The following QKI variants were observed in gnomAD, a reference collection of about 807,000 sequenced individuals.
The protein encoded by QKI is QKI, KH domain containing RNA binding, also known as KH domain-containing RNA-binding protein QKI.
In QKI, 10 loss-of-function variants were observed where a neutral mutation model predicts 39.0. The ratio of observed to expected loss-of-function variants is 0.26; its 90% CI spans 0.16 to 0.43. The LOEUF (loss-of-function observed/expected upper bound fraction) is 0.43, where lower values mean the gene tolerates loss of function less well. QKI is among the 20% of genes least tolerant of loss of function. The pLI, the probability that QKI is intolerant of heterozygous loss-of-function variation, is 1.00. For missense variants in QKI, 218 were observed against 428.0 expected, an observed-to-expected ratio of 0.51 and a Z score of 4.33; for synonymous variants, 204 against 155.4, an observed-to-expected ratio of 1.31 and a Z score of -2.33.
intron 3 of QKI, among the ~76,000 whole-genome samples, chr6:163,507,332 C>T (rs949217917): frequency 6.6e-6 from 1 of 152,156 alleles, no homozygotes; most frequent in Non-Finnish European, 1.5e-5. Flanking sequence ...TTCTGTCATA[C>T]TTAATCCCCT....
In QKI at chr6:163,480,109, A is replaced by G. The variant is rs192340342; in HGVS notation, c.402+1213A>G. Among the ~76,000 whole-genome samples the G allele has an allele frequency of 3.6e-3, 542 of 152,278 alleles. 13 individuals are homozygous for G. Among genetic ancestry groups the G allele is most frequent in the Admixed American group, 0.031 (478 of 15,286 alleles). On this transcript the variant is annotated intron_variant, in intron 3 of 7. Transcript: ENST00000361752. ...ATTGTTAGGAAGATTTTATTTACCT[A>G]GTTTGTCTTACCCAGCAATACTGTG...
At chr6:163,566,372 GTTAT>G (rs1472507950) in intron 6 of QKI, 6 of 1,200,374 alleles carry the variant, frequency 5.0e-6, no homozygotes, top group Middle Eastern at 3.5e-4. Flanking sequence ...TAAACATGGC[GTTAT>G]TTAAGTAGTC....
chr6:163,545,662 G>A (rs1037428649), intron 4 of QKI, among the ~76,000 whole-genome samples: 4 of 152,026 alleles, frequency 2.6e-5, no homozygotes, highest in African/African-American at 4.8e-5. Context: ...GACTCTGTAT[G>A]AATAACATCC....
chr6:163,570,934 T>A lies in QKI; in HGVS notation c.*224T>A. Reference sequence around the variant, plus strand: ...TTTCCTGTTTGGGTGAAAGTGGTTCTAGAAACTGCACTGAATAGTAGTAAA... The same window carrying A: ...TTTCCTGTTTGGGTGAAAGTGGTTCAAGAAACTGCACTGAATAGTAGTAAA... On this transcript the variant is annotated 3_prime_UTR_variant, in exon 8 of 8. Transcript: ENST00000361752. 1 of 565,594 alleles carries A rather than the reference T, an allele frequency of 1.8e-6. No homozygotes were observed. The highest frequency in any genetic ancestry group is 3.0e-6 in the Non-Finnish European group (1 of 332,048). 35.0% of individuals were successfully genotyped at this position (565,594 alleles called of 1,614,324 possible). A position where few individuals can be genotyped will look rare whatever the true frequency, so the allele number is the denominator to read the frequency against.
chr6:163,517,035 GACACACAC>G (rs111701494), intron 3 of QKI, among the ~76,000 whole-genome samples: 1 of 145,630 alleles, frequency 6.9e-6, no homozygotes, highest in South Asian at 2.3e-4. Flanking sequence ...AGCAGTAGGG[GACACACAC>G]ACACACACAC....
At chr6:163,450,203 G>T (rs915282170) in intron 1 of QKI, among the ~76,000 whole-genome samples, 1 of 152,010 alleles carries the variant, frequency 6.6e-6, no homozygotes, top group Non-Finnish European at 1.5e-5. Context: ...GATGACAGGT[G>T]CCTGCCACCA....
chr6:163,426,858 T>A (rs918112079), intron 1 of QKI, among the ~76,000 whole-genome samples: 11 of 152,240 alleles, frequency 7.2e-5, no homozygotes, highest in African/African-American at 2.2e-4. Context: ...TTCTCTCTTT[T>A]CTAATCATCT....
chr6:163,425,510 G>A (rs1005581436), intron 1 of QKI, among the ~76,000 whole-genome samples: 3 of 152,102 alleles, frequency 2.0e-5, no homozygotes, highest in Admixed American at 6.5e-5. Context: ...ATATATATGG[G>A]TTTAAAGTAG....
chr6:163,474,802 A>G (rs1414720969), intron 2 of QKI, among the ~76,000 whole-genome samples: 2 of 150,482 alleles, frequency 1.3e-5, no homozygotes, highest in Non-Finnish European at 3.0e-5. Context: ...AAAAAAAAAA[A>G]AAAAAGCCAG....
At chr6:163,552,499 C>G (rs1583209388) in intron 4 of QKI, among the ~76,000 whole-genome samples, 1 of 152,234 alleles carries the variant, frequency 6.6e-6, no homozygotes, top group South Asian at 2.1e-4. Context: ...CGTGAGCCAC[C>G]GTGCCCAGCC....
At chr6:163,496,152 T>A (rs1778390649) in intron 3 of QKI, among the ~76,000 whole-genome samples, 2 of 152,192 alleles carry the variant, frequency 1.3e-5, no homozygotes, top group South Asian at 4.1e-4. Flanking sequence ...CATATCCCAT[T>A]CGTTTGCTGA....
intron 3 of QKI, among the ~76,000 whole-genome samples, chr6:163,528,702 G>GATA (rs1780666595): frequency 6.6e-6 from 1 of 152,096 alleles, no homozygotes; most frequent in South Asian, 2.1e-4. Context: ...TACAGACCAT[G>GATA]ATAATCATTA....
At chr6:163,541,495 A>AC (rs1359155286) in intron 4 of QKI, among the ~76,000 whole-genome samples, 130 of 78,360 alleles carry the variant, frequency 1.7e-3, no homozygotes, top group African/African-American at 5.6e-3. Context: ...TCCTATGTCT[A>AC]CCCTTTTTTT....
chr6:163,516,757 A>T (rs1022603519), intron 3 of QKI, among the ~76,000 whole-genome samples: 4 of 152,162 alleles, frequency 2.6e-5, no homozygotes, highest in Non-Finnish European at 5.9e-5. Context: ...TTTCATACTG[A>T]AATGAATACT....
In QKI at chr6:163,506,168, A is replaced by C. The variant is rs531223243; in HGVS notation, c.402+27272A>C. Reference sequence around the variant, plus strand: ...AGCCATGCAGAACTGTGAGTCAATTAAACTACTTTTGTTTATAAATTACCC... The same window carrying C: ...AGCCATGCAGAACTGTGAGTCAATTCAACTACTTTTGTTTATAAATTACCC... On this transcript the variant is annotated intron_variant, in intron 3 of 7. Transcript: ENST00000361752. 5.3e-5 allele frequency among the ~76,000 whole-genome samples: 8 copies of C among 151,982 alleles called. No homozygotes were observed. In the South Asian group the frequency reaches 1.5e-3, roughly 28 times the overall value.
intron 1 of QKI, among the ~76,000 whole-genome samples, chr6:163,417,273 T>C (rs1444518973): frequency 6.6e-6 from 1 of 152,102 alleles, no homozygotes; most frequent in Admixed American, 6.5e-5. Context: ...TTGAGTGCAG[T>C]TGTTTAGAAG....
At chr6:163,552,958 C>G (rs1016132488) in intron 4 of QKI, among the ~76,000 whole-genome samples, 6 of 151,874 alleles carry the variant, frequency 4.0e-5, no homozygotes, top group South Asian at 2.1e-4. Flanking sequence ...ACCACTCCCG[C>G]CACAGTGGGT....
intron 3 of QKI, among the ~76,000 whole-genome samples, chr6:163,527,737 CTG>C (rs1202999025): frequency 2.6e-5 from 4 of 152,104 alleles, no homozygotes; most frequent in Non-Finnish European, 5.9e-5. Flanking sequence ...TTTTACATCA[CTG>C]TATACAGTGG....
At chr6:163,566,855 C>G in intron 7 of QKI, 60 bp downstream of exon 7, 3 of 1,588,682 alleles carry the variant, frequency 1.9e-6, no homozygotes, top group Non-Finnish European at 2.6e-6. Flanking sequence ...ATAAAATTTG[C>G]AACACCACAC....
Sources: allele counts gnomAD v4.1 joint callset (sites outside exome capture counted in the v4.1 genomes callset), GRCh38; gene constraint gnomAD v4.1.1; transcripts MANE v1.5; gene names NCBI Gene and HGNC (gene_info 2026-07-23, HGNC 2026-07-21).